RPH3AL: variants seen among roughly 807,000 people sequenced by gnomAD.
The protein encoded by RPH3AL is rabphilin 3A like (without C2 domains).
A neutral mutation model predicts 43.1 loss-of-function variants in RPH3AL; 38 were observed. That is an observed-to-expected ratio of 0.88 (90% CI 0.68 to 1.15). The LOEUF is 1.15. Among genes scored for constraint, RPH3AL ranks in the 50% most tolerant of loss-of-function variants. The pLI, the probability that RPH3AL is intolerant of heterozygous loss-of-function variation, is 0.00. For missense variants in RPH3AL, 462 were observed against 423.2 expected (o/e 1.09, Z -0.81); for synonymous variants, 189 against 176.3 (o/e 1.07, Z -0.57).
chr17:260,152 C>T (rs1235123291), intron 6 of RPH3AL, among the ~76,000 whole-genome samples: 3 of 152,232 alleles, frequency 2.0e-5, no homozygotes, highest in South Asian at 2.1e-4. Context: ...CAGCAGGGGA[C>T]GGTCTGTGGC....
chr17:262,465 C>T (rs886462386), intron 6 of RPH3AL, among the ~76,000 whole-genome samples: 83 of 152,096 alleles, frequency 5.5e-4, no homozygotes, highest in African/African-American at 1.7e-3. Flanking sequence ...CCACCCGCCT[C>T]GGCCTCCCAA....
intron 5 of RPH3AL, among the ~76,000 whole-genome samples, chr17:298,360 T>G (rs191372336): frequency 2.0e-5 from 3 of 152,084 alleles, no homozygotes; most frequent in African/African-American, 7.2e-5. Context: ...AAATACCCTC[T>G]CCCTTCCCTG....
rs1340242358 is a variant in RPH3AL, at chr17:344,551, T to C, written c.-213+8161A>G. On this transcript the variant is annotated intron_variant, in intron 1 of 9. Coordinates refer to ENST00000331302, the MANE Select transcript of RPH3AL (RefSeq NM_006987.4). ...ATCATCACCATCATCATGATCACCA[T>C]CATCATCACCAACACCACTATCATC... Among the ~76,000 whole-genome samples, 8 of 133,170 alleles carry C rather than the reference T, an allele frequency of 6.0e-5. 1 individual carries two copies. Among genetic ancestry groups the C allele is most frequent in the Admixed American group, 4.3e-4 (6 of 13,796 alleles). 87.4% of individuals were successfully genotyped at this position (133,170 alleles called of 152,430 possible). A position where few individuals can be genotyped will look rare whatever the true frequency, so the allele number is the denominator to read the frequency against.
In RPH3AL at chr17:288,863, C is replaced by T. The variant is rs1277888636; in HGVS notation, c.352-7009G>A. 0.038 allele frequency among the ~76,000 whole-genome samples: 61 copies of T among 1,606 alleles called. 2 individuals carry two copies. In the South Asian group the frequency reaches 0.75, roughly 20 times the overall value. 1.1% of individuals were successfully genotyped at this position (1,606 alleles called of 152,430 possible). Reference sequence around the variant, plus strand: ...CTCTCTCCACCGTCAGACCTCGCACCCTCTCTCTCCACCGTCAGACCTCAC... The same window carrying T: ...CTCTCTCCACCGTCAGACCTCGCACTCTCTCTCTCCACCGTCAGACCTCAC... On this transcript the variant is annotated intron_variant, in intron 5 of 9. Coordinates refer to ENST00000331302, the MANE Select transcript of RPH3AL (RefSeq NM_006987.4).
chr17:282,135 T>G (rs779257541), intron 5 of RPH3AL, among the ~76,000 whole-genome samples: 9 of 152,124 alleles, frequency 5.9e-5, no homozygotes, highest in Non-Finnish European at 8.8e-5. Context: ...TCACGTTTGA[T>G]AGCAAAGAAC....
intron 6 of RPH3AL, among the ~76,000 whole-genome samples, chr17:269,902 GA>G (rs1034838015): frequency 1.2e-4 from 18 of 152,302 alleles, no homozygotes; most frequent in African/African-American, 4.3e-4. Context: ...GGGAAGATGG[GA>G]TGGCTCAGTC....
chr17:230,866 C>T (rs11150890), intron 7 of RPH3AL, among the ~76,000 whole-genome samples: 93,591 of 151,806 alleles, frequency 0.62, 28,960 homozygotes, highest in Admixed American at 0.68. Flanking sequence ...TGTTGTTTTT[C>T]ATAGAGACAG....
chr17:217,865 G>C (rs867735914), intron 8 of RPH3AL, among the ~76,000 whole-genome samples: 11 of 110,814 alleles, frequency 9.9e-5, no homozygotes, highest in African/African-American at 1.7e-4. Context: ...GCTAAAATTG[G>C]CCTCACTGGA....
At chr17:257,785 A>G (rs1270020720) in intron 6 of RPH3AL, among the ~76,000 whole-genome samples, 1 of 36,804 alleles carries the variant, frequency 2.7e-5, no homozygotes, top group East Asian at 5.2e-4. Flanking sequence ...CGTACTTCCT[A>G]TGAGGGGAGC....
At position 322,068 on chromosome 17, in the gene RPH3AL, C is replaced by T. The variant is rs1016235942; in HGVS notation, c.78-653G>A. ...TGAACACTTTGAAAACTAGCAGGTT[C>T]GAGGCGGGGGGGAAGCGAGTTACAG... On this transcript the variant is annotated intron_variant, in intron 3 of 9. Transcript: ENST00000331302. This position sits in a 1 kb window ranked among gnomAD's most constrained non-coding sequence, Gnocchi z 4.0. Among the ~76,000 whole-genome samples, 2 of 152,102 alleles carry T rather than the reference C, an allele frequency of 1.3e-5. No individual in the cohort carries two copies. The highest frequency in any genetic ancestry group is 1.9e-4 in the East Asian group (1 of 5,168).
chr17:295,116 G>A (rs58430258), intron 5 of RPH3AL, among the ~76,000 whole-genome samples: 4,291 of 28,856 alleles, frequency 0.15, no homozygotes, highest in East Asian at 0.27. Flanking sequence ...CGGGCAGAGG[G>A]AATGCACATC....
chr17:283,393 G>A lies in RPH3AL; in HGVS notation c.352-1539C>T, dbSNP rs745450745. Among the ~76,000 whole-genome samples, 2 of 152,146 alleles carry A rather than the reference G, an allele frequency of 1.3e-5. No individual in the cohort carries two copies. The highest frequency in any genetic ancestry group is 2.4e-5 in the African/African-American group (1 of 41,442). On this transcript the variant is annotated intron_variant, in intron 5 of 9. Transcript: ENST00000331302. This position sits in a 1 kb window ranked among gnomAD's most constrained non-coding sequence, Gnocchi z 4.2. Reference sequence around the variant, plus strand: ...GACGGAAGCTATGATACATTCCTGCGGGGGACGGATTTGCTACCATCCAAT... The same window carrying A: ...GACGGAAGCTATGATACATTCCTGCAGGGGACGGATTTGCTACCATCCAAT...
At chr17:257,067 G>A (rs1413232216) in intron 6 of RPH3AL, among the ~76,000 whole-genome samples, 50 of 34,360 alleles carry the variant, frequency 1.5e-3, no homozygotes, top group Non-Finnish European at 2.6e-3. Context: ...GCCGCACGGC[G>A]TCTGTCCTTT....
intron 7 of RPH3AL, among the ~76,000 whole-genome samples, chr17:228,851 T>G (rs1378499574): frequency 1.3e-5 from 2 of 152,164 alleles, no homozygotes; most frequent in Non-Finnish European, 1.5e-5. Flanking sequence ...GGACCCTTTT[T>G]CTGTCGCAGC....
intron 7 of RPH3AL, among the ~76,000 whole-genome samples, chr17:242,678 ACCTTCCTCTATT>A (rs2041588838): frequency 9.7e-6 from 1 of 103,372 alleles, no homozygotes; most frequent in African/African-American, 3.4e-5. Context: ...TCTATTGACT[ACCTTCCTCTATT>A]GATTACCTTC....
rs1040271430 is a variant in RPH3AL, at chr17:333,122, C to T, written c.-37+637G>A. The stretch of plus-strand genomic sequence containing the variant: ...CGGGCGTTCGTCACTGCAGACATCA[C>T]TGCAGACACAGAGACGGCCATTAGA... On this transcript the variant is annotated intron_variant, in intron 2 of 9. Transcript: ENST00000331302. This position sits in a 1 kb window ranked among gnomAD's most constrained non-coding sequence, Gnocchi z 4.5. 74 of 1,281,314 alleles carry T rather than the reference C, an allele frequency of 5.8e-5. No individual in the cohort carries two copies. Among genetic ancestry groups the T allele is most frequent in the Non-Finnish European group, 7.1e-5 (70 of 985,380 alleles). The allele number at this position is 1,281,314 out of a possible 1,614,324, so 79.4% of individuals were successfully genotyped here.
intron 1 of RPH3AL, among the ~76,000 whole-genome samples, chr17:344,580 CTCA>C (rs1413346160): frequency 7.5e-6 from 1 of 133,082 alleles, no homozygotes; most frequent in African/African-American, 2.6e-5. Flanking sequence ...TATCATCGCC[CTCA>C]TCATCACCAT....
chr17:216,589 A>G (rs192149861), intron 8 of RPH3AL, among the ~76,000 whole-genome samples: 1 of 150,930 alleles, frequency 6.6e-6, no homozygotes, highest in Non-Finnish European at 1.5e-5. Context: ...AGGGGACAAG[A>G]GCCCATGGTG....
chr17:268,082 T>C (rs1467881004), intron 6 of RPH3AL, among the ~76,000 whole-genome samples: 2 of 152,216 alleles, frequency 1.3e-5, no homozygotes, highest in African/African-American at 4.8e-5. Flanking sequence ...AAAAACCTTG[T>C]ATGTATGTAT....
Sources: allele counts gnomAD v4.1 joint callset (sites outside exome capture counted in the v4.1 genomes callset), GRCh38; gene constraint gnomAD v4.1.1; non-coding constraint Gnocchi (gnomAD v3.1); transcripts MANE v1.5; gene names NCBI Gene and HGNC (gene_info 2026-07-23, HGNC 2026-07-21).